Variants in MIER1 observed in about 807,000 individuals in gnomAD.
MIER1 encodes the protein mesoderm induction early response protein 1.
A neutral mutation model predicts 75.7 loss-of-function variants in MIER1; 40 were observed. The ratio of observed to expected loss-of-function variants is 0.53; its 90% CI spans 0.41 to 0.69. MIER1 has a LOEUF of 0.69. Ranked by LOEUF, MIER1 falls within the 30% of genes least tolerant of loss-of-function variation. The pLI is 0.00. For synonymous variants in MIER1, 213 were observed against 223.4 expected, an observed-to-expected ratio of 0.95 and a Z score of 0.42; for missense variants, 574 against 680.2, an observed-to-expected ratio of 0.84 and a Z score of 1.74.
chr1:66,935,908 CT>C (rs1654694630), intron 2 of MIER1, among the ~76,000 whole-genome samples: 1 of 151,986 alleles, frequency 6.6e-6, no homozygotes, highest in Admixed American at 6.5e-5. Context: ...TATGGAAGAA[CT>C]ATGTATCATT....
intron 2 of MIER1, among the ~76,000 whole-genome samples, chr1:66,934,778 T>G (rs1654365783): frequency 6.6e-6 from 1 of 152,180 alleles, no homozygotes; most frequent in African/African-American, 2.4e-5. Context: ...ATTCTTAACC[T>G]TTTTATACCC....
intron 5 of MIER1, among the ~76,000 whole-genome samples, chr1:66,958,474 TA>T (rs11322381): frequency 0.8 from 120,781 of 151,804 alleles, 48,533 homozygotes; most frequent in African/African-American, 0.88. Flanking sequence ...ACCAACTTTC[TA>T]AAAAAATGCT....
intron 8 of MIER1, among the ~76,000 whole-genome samples, chr1:66,968,734 A>G (rs1160392361): frequency 1.3e-5 from 2 of 152,238 alleles, no homozygotes; most frequent in African/African-American, 4.8e-5. Flanking sequence ...TTTGATTACA[A>G]AATCTCCTGA....
At chr1:66,925,322 C>T (rs991586939) in intron 1 of MIER1, 8 of 985,468 alleles carry the variant, frequency 8.1e-6, no homozygotes, top group South Asian at 4.7e-5. Flanking sequence ...CATCGACTGC[C>T]TCCCAGCGCC....
chr1:66,945,297 A>G (rs200020450), intron 3 of MIER1, among the ~76,000 whole-genome samples: 2,724 of 15,924 alleles, frequency 0.17, 78 homozygotes, highest in Middle Eastern at 0.44. Flanking sequence ...ATATATATAT[A>G]TATATATATA....
intron 7 of MIER1, among the ~76,000 whole-genome samples, chr1:66,960,601 C>T (rs1402052286): frequency 6.6e-6 from 1 of 152,042 alleles, no homozygotes; most frequent in African/African-American, 2.4e-5. Flanking sequence ...ATCACTTCAG[C>T]CCAGGAGTTT....
intron 4 of MIER1, chr1:66,947,909 A>G: frequency 1.0e-6 from 1 of 985,322 alleles, no homozygotes; most frequent in Non-Finnish European, 1.2e-6. Context: ...TATGCATCCC[A>G]AGGCCGGCTC....
chr1:66,964,448 C>CTTTTTTTTTTTTTTTTTTTTTTTTTT (rs71058483), intron 8 of MIER1, among the ~76,000 whole-genome samples: 1 of 119,800 alleles, frequency 8.3e-6, no homozygotes, highest in Admixed American at 8.6e-5. Context: ...TGTATGTTTC[C>CTTTTTTTTTTTTTTTTTTTTTTTTTT]TTTTTTTTTT....
intron 12 of MIER1, among the ~76,000 whole-genome samples, chr1:66,978,422 C>T (rs866762001): frequency 6.6e-6 from 1 of 151,986 alleles, no homozygotes; most frequent in Admixed American, 6.6e-5. Flanking sequence ...TACATCATCC[C>T]CCATTATTCA....
chr1:66,973,523 T>C (rs1419497020), intron 11 of MIER1, among the ~76,000 whole-genome samples: 1 of 152,116 alleles, frequency 6.6e-6, no homozygotes, highest in East Asian at 1.9e-4. Flanking sequence ...TTGAGGATTT[T>C]ATTTAACATA....
At position 66,946,277 on chromosome 1, in the gene MIER1, A is replaced by C. The variant is rs1475753947; in HGVS notation, c.321A>C (p.Glu107Asp). ...AAGGAGAAACAAACTTCAGCTCTGA[A>C]ATAGAAGATCTTGCAAGGGTAAATA... ...MMEGETNFSSEIEDLAREGDM... is the reference protein window; with the variant it reads ...MMEGETNFSSDIEDLAREGDM... Residue 107 changes from glutamate (E) to aspartate (D), a missense_variant, in exon 4 of 14, where the codon GAA (glutamate) becomes GAC (aspartate). Around this residue, in one of 3 missense-constraint regions of MIER1, gnomAD observed 309 missense variants for 352.8 expected, o/e 0.88. Coordinates refer to ENST00000401041, the MANE Select transcript of MIER1 (RefSeq NM_001077700.3). 6.2e-7 allele frequency: 1 copy of C among 1,608,206 alleles called. No homozygotes were observed. The highest frequency in any genetic ancestry group is 8.5e-7 in the Non-Finnish European group (1 of 1,178,500).
At chr1:66,956,377 G>A (rs1037139480) in intron 4 of MIER1, among the ~76,000 whole-genome samples, 2 of 152,174 alleles carry the variant, frequency 1.3e-5, no homozygotes, top group African/African-American at 4.8e-5. Context: ...TCATGCCACT[G>A]CACTCCAGCC....
intron 4 of MIER1, among the ~76,000 whole-genome samples, chr1:66,956,273 T>C (rs1375889202): frequency 2.0e-5 from 3 of 152,016 alleles, no homozygotes; most frequent in Non-Finnish European, 4.4e-5. Context: ...ATACAAAAAT[T>C]AGCCAGGCAT....
chr1:66,955,747 G>A (rs1659994844), intron 4 of MIER1, among the ~76,000 whole-genome samples: 2 of 152,056 alleles, frequency 1.3e-5, no homozygotes, highest in South Asian at 2.1e-4. Context: ...AACTGTTAAC[G>A]CTTATGTTTT....
At chr1:66,926,094 C>A in intron 1 of MIER1, 48 bp from the exon 2 acceptor site, 1 of 1,437,306 alleles carries the variant, frequency 7.0e-7, no homozygotes, top group Non-Finnish European at 9.8e-7. Context: ...GAGCTTGTAT[C>A]ATCGTTTCTG....
chr1:66,951,572 G>GT (rs5774851), intron 4 of MIER1, among the ~76,000 whole-genome samples: 18 of 149,176 alleles, frequency 1.2e-4, no homozygotes, highest in South Asian at 2.1e-4. Context: ...GTGTATTCCT[G>GT]TTTTTTTTTT....
intron 6 of MIER1, 25 bp from the exon 7 acceptor site, chr1:66,959,654 A>T (rs769377671): frequency 5.4e-6 from 6 of 1,107,428 alleles, no homozygotes; most frequent in Non-Finnish European, 7.7e-6. Context: ...GTCATTTTAT[A>T]GTATTGGTGT....
At chr1:66,971,549 C>G in intron 9 of MIER1, 106 bp from the exon 10 acceptor site, 1 of 614,940 alleles carries the variant, frequency 1.6e-6, no homozygotes, top group Non-Finnish European at 2.9e-6. Context: ...AAGTTATTTG[C>G]CCTCAAAAAG....
intron 2 of MIER1, among the ~76,000 whole-genome samples, chr1:66,936,499 C>G (rs1654876282): frequency 6.6e-6 from 1 of 151,962 alleles, no homozygotes; most frequent in Non-Finnish European, 1.5e-5. Context: ...TCCCAAAGTG[C>G]TAGGATTACA....
Sources: allele counts gnomAD v4.1 joint callset (sites outside exome capture counted in the v4.1 genomes callset), GRCh38; gene constraint gnomAD v4.1.1; regional missense constraint gnomAD v4.1.1; transcripts MANE v1.5; gene names NCBI Gene and HGNC (gene_info 2026-07-23, HGNC 2026-07-21).